Variants in GRID2 observed in about 807,000 individuals in gnomAD.
The protein encoded by GRID2 is glutamate ionotropic receptor delta type subunit 2.
GRID2 carries 33 observed loss-of-function variants against 114.8 expected under a neutral mutation model. The ratio of observed to expected loss-of-function variants is 0.29; its 90% CI spans 0.22 to 0.38. The LOEUF is 0.38. Ranked by LOEUF, GRID2 falls within the 10% of genes least tolerant of loss-of-function variation. The probability of loss-of-function intolerance (pLI) is 1.00; values close to 1 mark genes in which losing one functional copy is unlikely to be tolerated. For missense variants in GRID2, 1,184 were observed against 1,257.7 expected (o/e 0.94, Z 0.89); for synonymous variants, 505 against 449.9 (o/e 1.12, Z -1.55).
At chr4:92,360,535 T>C (rs1441678319) in intron 1 of GRID2, among the ~76,000 whole-genome samples, 4 of 152,010 alleles carry the variant, frequency 2.6e-5, no homozygotes, top group Admixed American at 6.6e-5. Context: ...CATAGTCTGA[T>C]GGGAACACCT....
rs188589746 is a variant in GRID2 at position 93,159,898 on chromosome 4, A to C, written c.736-47506A>C. Among the ~76,000 whole-genome samples the C allele has an allele frequency of 4.0e-5, 6 of 151,862 alleles. No homozygotes were observed. In the East Asian group the frequency reaches 9.7e-4, roughly 25 times the overall value. ...TTCCATTATTTAAAAAATACTAGTG[A>C]ATTTCTGTAGCTATTTTATTTTTGA... On this transcript the variant is annotated intron_variant, in intron 4 of 15. Coordinates refer to ENST00000282020, the MANE Select transcript of GRID2 (RefSeq NM_001510.4).
At chr4:93,042,287 C>A (rs1578829250) in intron 2 of GRID2, among the ~76,000 whole-genome samples, 1 of 84,100 alleles carries the variant, frequency 1.2e-5, no homozygotes, top group South Asian at 4.1e-4. Flanking sequence ...CTCTCTCTCT[C>A]TCTCTCTCTC....
At chr4:93,288,061 T>G (rs1753363678) in intron 8 of GRID2, among the ~76,000 whole-genome samples, 1 of 152,192 alleles carries the variant, frequency 6.6e-6, no homozygotes, top group Non-Finnish European at 1.5e-5. Context: ...TTCCTAAAAT[T>G]TATTTTTAAG....
chr4:93,800,979 G>GT (rs1561008696), intron 1 of GRID2, among the ~76,000 whole-genome samples: 6 of 152,072 alleles, frequency 3.9e-5, no homozygotes. Flanking sequence ...GCACAAAAAC[G>GT]TAATTAGTGC....
At chr4:93,206,558 G>A (rs1330128571) in intron 4 of GRID2, among the ~76,000 whole-genome samples, 1 of 149,234 alleles carries the variant, frequency 6.7e-6, no homozygotes, top group Non-Finnish European at 1.5e-5. Context: ...AGATTTATTA[G>A]CGTAGAAACC....
chr4:92,727,867 G>A (rs1736136765), intron 2 of GRID2, among the ~76,000 whole-genome samples: 1 of 152,028 alleles, frequency 6.6e-6, no homozygotes, highest in Admixed American at 6.6e-5. Flanking sequence ...GATACTCACT[G>A]ATCCATATGA....
At chr4:92,854,589 G>T (rs552921614) in intron 2 of GRID2, among the ~76,000 whole-genome samples, 12 of 150,116 alleles carry the variant, frequency 8.0e-5, no homozygotes, top group Admixed American at 7.3e-4. Context: ...GTGTTTTGAG[G>T]ATACTTAGCC....
intron 1 of GRID2, among the ~76,000 whole-genome samples, chr4:92,562,366 G>T (rs1410901510): frequency 1.3e-5 from 2 of 152,134 alleles, no homozygotes; most frequent in African/African-American, 4.8e-5. Flanking sequence ...ATAATTTCCA[G>T]TGCTAATTAG....
intron 8 of GRID2, among the ~76,000 whole-genome samples, chr4:93,360,373 T>C (rs568229474): frequency 6.6e-6 from 1 of 152,024 alleles, no homozygotes; most frequent in African/African-American, 2.4e-5. Context: ...TTATTTTAAT[T>C]TTGTTGTGCT....
chr4:92,472,582 C>T (rs1224008315), intron 1 of GRID2, among the ~76,000 whole-genome samples: 1 of 152,132 alleles, frequency 6.6e-6, no homozygotes, highest in African/African-American at 2.4e-5. Context: ...ACATCTTCAT[C>T]AATACTGGTG....
chr4:93,135,849 A>G (rs1735195170), intron 4 of GRID2, among the ~76,000 whole-genome samples: 1 of 152,170 alleles, frequency 6.6e-6, no homozygotes, highest in Non-Finnish European at 1.5e-5. Context: ...TTTTATTCTT[A>G]TATCAAAATC....
At chr4:93,122,900 T>TTTTTTG (rs1733924342) in intron 4 of GRID2, among the ~76,000 whole-genome samples, 1 of 148,372 alleles carries the variant, frequency 6.7e-6, no homozygotes, top group African/African-American at 2.5e-5. Flanking sequence ...GTTTTTTTTT[T>TTTTTTG]TTTTTTTTTT....
chr4:93,288,849 G>A lies in GRID2; in HGVS notation c.1245+50359G>A, dbSNP rs116588493. ...TTAATTTTTATGTTTTCCCTGTATT[G>A]TGTGAATAGCAGTCTTGTTAAAGTG... On this transcript the variant is annotated intron_variant, in intron 8 of 15. Coordinates refer to ENST00000282020, the MANE Select transcript of GRID2 (RefSeq NM_001510.4). 9.5e-3 allele frequency among the ~76,000 whole-genome samples: 1,442 copies of A among 152,118 alleles called. 13 individuals carry two copies. The highest frequency in any genetic ancestry group is 0.033 in the African/African-American group (1,367 of 41,488).
At chr4:92,520,803 C>A (rs1039285757) in intron 1 of GRID2, among the ~76,000 whole-genome samples, 7 of 151,896 alleles carry the variant, frequency 4.6e-5, no homozygotes, top group Non-Finnish European at 4.4e-5. Flanking sequence ...TCAATGGCAT[C>A]ATTGTGTCTC....
chr4:92,999,138 A>C (rs994477406), intron 2 of GRID2, among the ~76,000 whole-genome samples: 2 of 151,930 alleles, frequency 1.3e-5, no homozygotes, highest in African/African-American at 4.8e-5. Context: ...TTTAATACAT[A>C]GAAAGGTAGG....
At chr4:92,680,473 A>G (rs1176034674) in intron 2 of GRID2, among the ~76,000 whole-genome samples, 1 of 152,152 alleles carries the variant, frequency 6.6e-6, no homozygotes, top group Non-Finnish European at 1.5e-5. Context: ...GTAGAAAATG[A>G]TATATTTTTA....
chr4:92,809,050 A>G lies in GRID2; in HGVS notation c.244+218764A>G, dbSNP rs559113984. Reference sequence around the variant, plus strand: ...ATAGTATAATTGCGGAAATAGGTCCATGATTTGAGCAAGAAAAGATACTCT... The same window carrying G: ...ATAGTATAATTGCGGAAATAGGTCCGTGATTTGAGCAAGAAAAGATACTCT... On this transcript the variant is annotated intron_variant, in intron 2 of 15. Coordinates refer to ENST00000282020, the MANE Select transcript of GRID2 (RefSeq NM_001510.4). Among the ~76,000 whole-genome samples the G allele has an allele frequency of 3.9e-4, 59 of 152,118 alleles. 1 individual carries two copies. The Middle Eastern group carries it at 0.02, about 53-fold the overall frequency.
At chr4:93,771,097 A>G (rs1734071516) in intron 15 of GRID2, among the ~76,000 whole-genome samples, 1 of 152,208 alleles carries the variant, frequency 6.6e-6, no homozygotes, top group Non-Finnish European at 1.5e-5. Flanking sequence ...TATGATTAAT[A>G]GATATCTTAA....
intron 8 of GRID2, among the ~76,000 whole-genome samples, chr4:93,293,362 T>G (rs932079771): frequency 2.6e-5 from 4 of 152,062 alleles, no homozygotes; most frequent in Non-Finnish European, 5.9e-5. Flanking sequence ...TAAGTAAAAA[T>G]AAACTTTATG....
Sources: allele counts gnomAD v4.1 joint callset (sites outside exome capture counted in the v4.1 genomes callset), GRCh38; gene constraint gnomAD v4.1.1; transcripts MANE v1.5; gene names NCBI Gene and HGNC (gene_info 2026-07-23, HGNC 2026-07-21).